The following CMBL variants were observed in gnomAD, a reference collection of about 807,000 sequenced individuals.
CMBL encodes carboxymethylenebutenolidase homolog.
CMBL carries 17 observed loss-of-function variants against 28.7 expected under a neutral mutation model. The observed-to-expected ratio is 0.59, with a 90% CI of 0.41 to 0.89. The LOEUF (loss-of-function observed/expected upper bound fraction) is 0.89, where lower values mean the gene tolerates loss of function less well. Ranked by LOEUF, CMBL falls within the 40% of genes least tolerant of loss-of-function variation. The pLI is 0.00. For missense variants in CMBL, 310 were observed against 298.5 expected (o/e 1.04, Z -0.28); for synonymous variants, 106 against 101.6 (o/e 1.04, Z -0.26).
At chr5:10,305,644 T>C (rs962300837) in intron 1 of CMBL, among the ~76,000 whole-genome samples, 7 of 152,292 alleles carry the variant, frequency 4.6e-5, no homozygotes, top group Admixed American at 1.3e-4. Flanking sequence ...CAATCTCCGC[T>C]CACTGCAACC....
At position 10,281,659 on chromosome 5, in the gene CMBL, C is replaced by A. The variant is rs181969085; in HGVS notation, c.558+538G>T. 5.5e-3 allele frequency among the ~76,000 whole-genome samples: 844 copies of A among 152,292 alleles called. 3 individuals are homozygous for A. Among genetic ancestry groups the A allele is most frequent in the East Asian group, 0.014 (75 of 5,190 alleles). ...AGGTGGGGCAAGAGGTCCCGTTTCT[C>A]CACCAGGTAACCAGGCCATGCTGAG... On this transcript the variant is annotated intron_variant, in intron 5 of 5. Coordinates refer to ENST00000296658, the MANE Select transcript of CMBL (RefSeq NM_138809.4).
intron 5 of CMBL, 125 bp from the exon 6 acceptor site, chr5:10,280,757 TAC>T: frequency 1.2e-6 from 1 of 827,484 alleles, no homozygotes; most frequent in Non-Finnish European, 1.8e-6. Flanking sequence ...GTTCCACAGT[TAC>T]ACTGAATTCT....
intron 1 of CMBL, among the ~76,000 whole-genome samples, chr5:10,293,022 G>A (rs1746754037): frequency 1.3e-5 from 2 of 152,132 alleles, no homozygotes; most frequent in Middle Eastern, 6.8e-3. Context: ...CAAATACAAC[G>A]AAGAAATTAT....
intron 1 of CMBL, among the ~76,000 whole-genome samples, chr5:10,300,523 C>G: frequency 6.6e-6 from 1 of 152,190 alleles, no homozygotes. Context: ...TCTCCAGACC[C>G]GCATGGTGGC....
intron 5 of CMBL, 52 bp downstream of exon 5, chr5:10,282,145 G>T: frequency 7.8e-7 from 1 of 1,278,130 alleles, no homozygotes; most frequent in Non-Finnish European, 1.1e-6. Context: ...GGGCGACAGA[G>T]CGAGACTCCA....
intron 4 of CMBL, among the ~76,000 whole-genome samples, chr5:10,282,567 G>A (rs1051951096): frequency 1.8e-4 from 27 of 152,136 alleles, no homozygotes; most frequent in African/African-American, 6.0e-4. Flanking sequence ...TGGATGGCTT[G>A]GGCTCAGGAG....
rs150191548 is a variant in CMBL at position 10,282,139 on chromosome 5, G to A, written c.558+58C>T. ...CGCGCCACTGCATTCCAGCCTGGGC[G>A]ACAGAGCGAGACTCCATCTCAAATA... On this transcript the variant is annotated intron_variant, in intron 5 of 5. Transcript: ENST00000296658. The A allele has an allele frequency of 9.4e-3, 11,547 of 1,225,488 alleles. 729 individuals are homozygous for A. In the African/African-American group the frequency reaches 0.15, roughly 15 times the overall value. 75.9% of individuals were successfully genotyped at this position (1,225,488 alleles called of 1,614,324 possible).
At chr5:10,303,313 A>T (rs1299610737) in intron 1 of CMBL, among the ~76,000 whole-genome samples, 2 of 152,228 alleles carry the variant, frequency 1.3e-5, no homozygotes, top group Non-Finnish European at 1.5e-5. Flanking sequence ...CACCTTGGGC[A>T]CATGTTCTCA....
chr5:10,291,950 A>T (rs893878951), intron 1 of CMBL: 2 of 152,244 alleles, frequency 1.3e-5, no homozygotes, highest in Non-Finnish European at 2.9e-5. Context: ...AGGAATTTAC[A>T]GTGGGAATGG....
chr5:10,290,262 C>G, intron 2 of CMBL: 3 of 424,928 alleles, frequency 7.1e-6, no homozygotes, highest in South Asian at 7.0e-5. Context: ...GTGCCTGCGT[C>G]TGGCTGAGGC....
intron 1 of CMBL, among the ~76,000 whole-genome samples, chr5:10,295,993 T>C (rs1354075786): frequency 2.0e-5 from 3 of 152,222 alleles, no homozygotes; most frequent in Non-Finnish European, 4.4e-5. Flanking sequence ...ATGTGCCTTA[T>C]GGAGAAAATG....
intron 1 of CMBL, among the ~76,000 whole-genome samples, chr5:10,303,639 C>T (rs1263548760): frequency 6.6e-6 from 1 of 152,162 alleles, no homozygotes; most frequent in African/African-American, 2.4e-5. Context: ...CTGACTGGAT[C>T]ATCTCTTCAC....
intron 1 of CMBL, among the ~76,000 whole-genome samples, chr5:10,298,870 G>A (rs552533069): frequency 6.6e-6 from 1 of 152,308 alleles, no homozygotes; most frequent in African/African-American, 2.4e-5. Flanking sequence ...TCCAGCCTGG[G>A]CGACAGAGCA....
At chr5:10,298,961 G>A (rs1746850433) in intron 1 of CMBL, among the ~76,000 whole-genome samples, 1 of 152,196 alleles carries the variant, frequency 6.6e-6, no homozygotes, top group Non-Finnish European at 1.5e-5. Flanking sequence ...TCCACGTGCT[G>A]ATGGTGGTGC....
intron 4 of CMBL, among the ~76,000 whole-genome samples, chr5:10,285,005 T>A (rs1003143282): frequency 3.4e-5 from 5 of 148,908 alleles, no homozygotes; most frequent in Admixed American, 3.3e-4. Flanking sequence ...TTTTTTTTTT[T>A]ATTTTTTATT....
rs1178904773 is a variant in CMBL, at chr5:10,278,715, T to C, written c.*1738A>G. 2.6e-5 allele frequency among the ~76,000 whole-genome samples: 4 copies of C among 152,066 alleles called. No individual in the cohort carries two copies. On this transcript the variant is annotated 3_prime_UTR_variant, in exon 6 of 6. Transcript: ENST00000296658. ...CTGTCATTTCTTGGGTTCTGATGAG[T>C]TGCCTCCTCTACCCCATCCTAACTT...
chr5:10,306,515 A>C (rs892477049), intron 1 of CMBL, among the ~76,000 whole-genome samples: 6 of 152,144 alleles, frequency 3.9e-5, no homozygotes, highest in Non-Finnish European at 8.8e-5. Flanking sequence ...AATAGAAACC[A>C]CGTGGAAGTG....
chr5:10,295,681 G>A (rs1268629793), intron 1 of CMBL, among the ~76,000 whole-genome samples: 1 of 152,190 alleles, frequency 6.6e-6, no homozygotes, highest in Non-Finnish European at 1.5e-5. Context: ...GCCAGAAGAT[G>A]ACCATCTGCA....
chr5:10,292,340 G>A (rs924163683), intron 1 of CMBL, among the ~76,000 whole-genome samples: 6 of 151,944 alleles, frequency 3.9e-5, no homozygotes, highest in Non-Finnish European at 8.8e-5. Context: ...CAAGTAGCTG[G>A]GACTATGGCA....
Sources: gnomAD v4.1 joint callset for allele counts (sites outside exome capture counted in the v4.1 genomes callset) on GRCh38, gnomAD v4.1.1 for gene constraint, MANE v1.5 for transcripts, NCBI Gene and HGNC (gene_info 2026-07-23, HGNC 2026-07-21) for gene names.